ZFP1: variants seen among roughly 807,000 people sequenced by gnomAD.
The protein encoded by ZFP1 is ZFP1 zinc finger protein.
ZFP1 carries 32 observed loss-of-function variants against 38.5 expected under a neutral mutation model. The observed-to-expected ratio is 0.83, with a 90% CI of 0.63 to 1.12. The LOEUF (loss-of-function observed/expected upper bound fraction) is 1.12. Among genes scored for constraint, ZFP1 ranks in the 50% most tolerant of loss-of-function variants. ZFP1 has a pLI of 0.00. For missense variants in ZFP1, 616 were observed against 480.8 expected (o/e 1.28, Z -2.63); for synonymous variants, 245 against 168.8 (o/e 1.45, Z -3.50).
the ZFP1 span, among the ~76,000 whole-genome samples, chr16:75,121,465 A>G: frequency 6.6e-6 from 1 of 152,114 alleles, no homozygotes; most frequent in African/African-American, 2.4e-5. Context: ...TTCATCTTTC[A>G]TCTCCCTCTG....
the ZFP1 span, among the ~76,000 whole-genome samples, chr16:75,133,601 T>C: frequency 6.6e-6 from 1 of 152,244 alleles, no homozygotes; most frequent in Non-Finnish European, 1.5e-5. Context: ...ATCTTTTTCA[T>C]GGCTGCATAA....
At chr16:75,119,997 A>G in the ZFP1 span, among the ~76,000 whole-genome samples, 14 of 152,390 alleles carry the variant, frequency 9.2e-5, 2 homozygotes, top group East Asian at 7.7e-4. Context: ...CCAAACTGAA[A>G]GAGCAATGGC....
intron 2 of ZFP1, among the ~76,000 whole-genome samples, chr16:75,164,909 G>A (rs1003522972): frequency 1.3e-5 from 2 of 152,044 alleles, no homozygotes; most frequent in South Asian, 2.1e-4. Context: ...GGGTTCAAGC[G>A]ATTCTCCTGC....
intron 2 of ZFP1, among the ~76,000 whole-genome samples, chr16:75,153,539 G>A (rs958984634): frequency 1.3e-5 from 2 of 152,130 alleles, no homozygotes; most frequent in African/African-American, 4.8e-5. Context: ...TGTTTTAATA[G>A]ATTTCATTTT....
the ZFP1 span, among the ~76,000 whole-genome samples, chr16:75,127,607 C>G: frequency 6.6e-6 from 1 of 152,128 alleles, no homozygotes; most frequent in Non-Finnish European, 1.5e-5. Flanking sequence ...AGGCATGAGT[C>G]ACTGTGTCTG....
the ZFP1 span, among the ~76,000 whole-genome samples, chr16:75,129,108 C>T: frequency 2.0e-5 from 3 of 152,174 alleles, no homozygotes; most frequent in Non-Finnish European, 4.4e-5. Context: ...TCGTATCTGT[C>T]TACTGATGTA....
chr16:75,146,978 G>A (rs1012219597), upstream of ZFP1, among the ~76,000 whole-genome samples: 1 of 146,848 alleles, frequency 6.8e-6, no homozygotes, highest in African/African-American at 2.5e-5. Flanking sequence ...GGTAACTTGA[G>A]GGAAACATGA....
At chr16:75,130,015 T>TC in the ZFP1 span, among the ~76,000 whole-genome samples, 2 of 152,162 alleles carry the variant, frequency 1.3e-5, no homozygotes, top group Non-Finnish European at 2.9e-5. Flanking sequence ...TTGTTTTTTT[T>TC]CAGACAGAGT....
the ZFP1 span, among the ~76,000 whole-genome samples, chr16:75,129,639 A>G: frequency 6.6e-6 from 1 of 152,142 alleles, no homozygotes; most frequent in Non-Finnish European, 1.5e-5. Flanking sequence ...GACAGAACCA[A>G]TGTTCATCTG....
At chr16:75,149,309 C>G (rs1275651619) in intron 1 of ZFP1, 1 of 152,094 alleles carries the variant, frequency 6.6e-6, no homozygotes, top group East Asian at 1.9e-4. Flanking sequence ...TGATTTTACT[C>G]GCTGGTAGAT....
chr16:75,140,159 T>C, the ZFP1 span, among the ~76,000 whole-genome samples: 1 of 151,928 alleles, frequency 6.6e-6, no homozygotes, highest in Admixed American at 6.6e-5. Flanking sequence ...TCCCAGCTAC[T>C]CAGGAGGCTG....
the ZFP1 span, among the ~76,000 whole-genome samples, chr16:75,123,284 G>T: frequency 6.6e-6 from 1 of 151,138 alleles, no homozygotes; most frequent in Admixed American, 6.6e-5. Context: ...AACCCAGGAG[G>T]TGGAGGTTGC....
At chr16:75,135,209 C>CAAAAAAAAAAAAAAAAAAA in the ZFP1 span, among the ~76,000 whole-genome samples, 7 of 14,960 alleles carry the variant, frequency 4.7e-4, 3 homozygotes, top group Non-Finnish European at 5.7e-4. Flanking sequence ...GACCTTATCT[C>CAAAAAAAAAAAAAAAAAAA]AAAAAAAAAA....
the ZFP1 span, among the ~76,000 whole-genome samples, chr16:75,120,850 C>A: frequency 6.6e-6 from 1 of 152,102 alleles, no homozygotes; most frequent in South Asian, 2.1e-4. Flanking sequence ...TGGTCTCGAT[C>A]TCCTGACCTC....
intron 1 of ZFP1, among the ~76,000 whole-genome samples, chr16:75,151,580 C>T (rs899048379): frequency 1.3e-5 from 2 of 152,098 alleles, no homozygotes; most frequent in African/African-American, 4.8e-5. Flanking sequence ...TGTTTTATGT[C>T]AATATACTTG....
At position 75,169,618 on chromosome 16, in the gene ZFP1, G is replaced by A; in HGVS notation, c.508G>A (p.Ala170Thr). The change falls in exon 4 of 4, where the codon GCC becomes ACC. Residue 170 changes from alanine (A) to threonine (T), a missense_variant. Coordinates refer to ENST00000570010, the MANE Select transcript of ZFP1 (RefSeq NM_153688.4). ...TGGAAAAGCCCTCAGCCATAAAGCA[G>A]CCATTTTTAAACATCAGAAAATAAA... ...KSGKALSHKA[A>T]IFKHQKIKNL... 2 of 1,592,982 alleles carry A rather than the reference G, an allele frequency of 1.3e-6. No individual in the cohort carries two copies. The highest frequency in any genetic ancestry group is 1.7e-6 in the Non-Finnish European group (2 of 1,173,878).
At chr16:75,169,206 A>G (rs1041399753) in intron 3 of ZFP1, 47 bp from the exon 4 acceptor site, 5 of 1,549,988 alleles carry the variant, frequency 3.2e-6, no homozygotes, top group Middle Eastern at 3.5e-4. Context: ...GTAACATTAT[A>G]GCGGAGGCAT....
intron 2 of ZFP1, among the ~76,000 whole-genome samples, chr16:75,163,868 C>T (rs939165012): frequency 6.6e-6 from 1 of 152,196 alleles, no homozygotes; most frequent in Non-Finnish European, 1.5e-5. Flanking sequence ...GCGTCATCCT[C>T]CCAAATGCTG....
In ZFP1 at chr16:75,170,330, C is replaced by G. The variant is rs143421056; in HGVS notation, c.1220C>G (p.Pro407Arg). 3.2e-6 allele frequency: 5 copies of G among 1,567,718 alleles called. No homozygotes were observed. The highest frequency in any genetic ancestry group is 3.7e-5 in the Admixed American group (2 of 53,834). Residue 407 changes from proline (P) to arginine (R), a missense_variant, in exon 4 of 4, where the codon CCC becomes CGC. Pro to Arg is a moderately radical substitution (Grantham distance 103). Transcript: ENST00000570010. The stretch of plus-strand genomic sequence containing the variant: ...CAGAGAGTTCACATCGGGGAGAAAC[C>G]CTGAAACTCCAGCCAGGTCTTACTG... ...VHQRVHIGEK[P>R]
Sources: gnomAD v4.1 joint callset for allele counts (sites outside exome capture counted in the v4.1 genomes callset) on GRCh38, gnomAD v4.1.1 for gene constraint, MANE v1.5 for transcripts, NCBI Gene and HGNC (gene_info 2026-07-23, HGNC 2026-07-21) for gene names.